Variants in NUDT13 observed in about 807,000 individuals in gnomAD.
NUDT13 encodes the protein nudix hydrolase 13.
Under a neutral mutation model 41.7 loss-of-function variants are expected in NUDT13, and 40 were observed. The observed-to-expected ratio is 0.96, with a 90% CI of 0.75 to 1.25. The LOEUF is 1.25. NUDT13 is among the 50% of genes most tolerant of loss of function. The pLI, the probability that NUDT13 is intolerant of heterozygous loss-of-function variation, is 0.00. For missense variants in NUDT13, 390 were observed against 416.1 expected (o/e 0.94, Z 0.55); for synonymous variants, 145 against 155.5 (o/e 0.93, Z 0.50).
In NUDT13 at chr10:73,125,227, T is replaced by C. The variant is rs760148900; in HGVS notation, c.575T>C (p.Ile192Thr). ...AAGCGTGTGTGCCCTTCCAATAATATAATCTATTATCCACAGGTAATTATT... is the reference window on the plus strand; with the variant it reads ...AAGCGTGTGTGCCCTTCCAATAATACAATCTATTATCCACAGGTAATTATT... ...GSKRVCPSNN[I>T]IYYPQMAPVA... Residue 192 changes from isoleucine (I) to threonine (T), a missense_variant, in exon 6 of 9, where the codon ATA (isoleucine) becomes ACA (threonine). Coordinates refer to ENST00000357321, the MANE Select transcript of NUDT13 (RefSeq NM_015901.6). The C allele has an allele frequency of 3.1e-6, 5 of 1,611,850 alleles. No individual in the cohort carries two copies. The highest frequency in any genetic ancestry group is 1.1e-5 in the South Asian group (1 of 90,982).
intron 7 of NUDT13, 144 bp from the exon 8 acceptor site, chr10:73,126,529 T>G: frequency 1.2e-6 from 1 of 831,946 alleles, no homozygotes; most frequent in Non-Finnish European, 1.8e-6. Context: ...ATTCTTATTG[T>G]TGGAATGACT....
chr10:73,123,411 G>C (rs1409438299), intron 4 of NUDT13, among the ~76,000 whole-genome samples: 2 of 152,102 alleles, frequency 1.3e-5, no homozygotes, highest in African/African-American at 4.8e-5. Context: ...GTGATGCTGG[G>C]ATGAGGTTCA....
chr10:73,122,219 A>G lies in NUDT13; in HGVS notation c.268A>G (p.Ile90Val), dbSNP rs1416330378. The G allele has an allele frequency of 8.7e-6, 14 of 1,614,004 alleles. No homozygotes were observed. Among genetic ancestry groups the G allele is most frequent in the Admixed American group, 1.7e-5 (1 of 59,982 alleles). ...TAAATTTGGACAGGATGCACAAAGAATAGAAGATTCTGTGCTGATTGGATG... is the reference window on the plus strand; with the variant it reads ...TAAATTTGGACAGGATGCACAAAGAGTAGAAGATTCTGTGCTGATTGGATG... ...LGKFGQDAQR[I>V]EDSVLIGCSE... is the part of the protein sequence containing the mutation. Residue 90 changes from isoleucine to valine, a missense_variant, in exon 4 of 9, where the codon ATA becomes GTA. Physicochemically the swap from Ile to Val is conservative, Grantham distance 29. Transcript: ENST00000357321.
Position 73,125,120 on chromosome 10 carries a change from TCAAG to T in NUDT13, c.470_473del (p.Gln157LeufsTer35). 1 of 1,608,056 alleles carries T rather than the reference TCAAG, an allele frequency of 6.2e-7. No homozygotes were observed. Among genetic ancestry groups the T allele is most frequent in the Non-Finnish European group, 8.5e-7 (1 of 1,178,262 alleles). On this transcript the variant is annotated frameshift_variant, in exon 6 of 9. Transcript: ENST00000357321. LOFTEE classifies it high-confidence loss of function. ...CAGGCCCATCATTGTGTTCCTAGGC[TCAAG>T]CTCTTCTCCGCTGGCATGATGCTCA...
At position 73,114,402 on chromosome 10, in the gene NUDT13, T is replaced by G. The variant is rs1467584627; in HGVS notation, c.37T>G (p.Phe13Val). The G allele has an allele frequency of 6.3e-7, 1 of 1,587,336 alleles. No individual in the cohort carries two copies. The highest frequency in any genetic ancestry group is 1.3e-5 in the African/African-American group (1 of 74,232). The change falls in exon 2 of 9, where the codon TTT becomes GTT. Residue 13 changes from phenylalanine to valine, a missense_variant. Transcript: ENST00000357321. ...TTGTGGAATAGCTTGCAGGAGAAAA[T>G]TTTTTTGGTGCTATAGGCTGCTGTC... ...LYCGIACRRK[F>V]FWCYRLLSTY... is the part of the protein sequence containing the mutation.
chr10:73,130,841 A>C lies in NUDT13; in HGVS notation c.997A>C (p.Ile333Leu), dbSNP rs955590615. 1 of 1,613,924 alleles carries C rather than the reference A, an allele frequency of 6.2e-7. No homozygotes were observed. The highest frequency in any genetic ancestry group is 1.7e-5 in the Admixed American group (1 of 60,004). ...ATTCTGGCTGCCCCCTAAGTTAGCC[A>C]TCTCCCACCAACTGATTAAGGAGTG... ...FPFWLPPKLA[I>L]SHQLIKEWVE... The change falls in exon 9 of 9, where the codon ATC becomes CTC. Residue 333 changes from isoleucine (I) to leucine (L), a missense_variant. Ile to Leu is a conservative substitution (Grantham distance 5). Coordinates refer to ENST00000357321, the MANE Select transcript of NUDT13 (RefSeq NM_015901.6).
chr10:73,124,391 ACAAGGCTAGAG>A, intron 5 of NUDT13, 71 bp downstream of exon 5: 2 of 1,007,980 alleles, frequency 2.0e-6, no homozygotes, highest in Non-Finnish European at 3.1e-6. Context: ...ATGTGTACAC[ACAAGGCTAGAG>A]TGACGTTTGA....
chr10:73,120,860 C>G (rs1842629844), intron 3 of NUDT13, among the ~76,000 whole-genome samples: 1 of 151,708 alleles, frequency 6.6e-6, no homozygotes, highest in Non-Finnish European at 1.5e-5. Context: ...ATGGCGTCAA[C>G]CCGGGAGGCG....
intron 8 of NUDT13, among the ~76,000 whole-genome samples, chr10:73,129,167 C>CTTTTTTTT (rs900393888): frequency 1.8e-5 from 2 of 110,192 alleles, no homozygotes; most frequent in African/African-American, 7.2e-5. Flanking sequence ...AAGACGTTGT[C>CTTTTTTTT]TTTTTTTTTT....
Position 73,120,170 on chromosome 10 carries a change from T to G in NUDT13, c.223+13T>G. On this transcript the variant is annotated intron_variant, in intron 3 of 8. Transcript: ENST00000357321. The stretch of plus-strand genomic sequence containing the variant: ...CACAGCCTGTTAGGTAAGTCCAGAG[T>G]GGACCAGTGGCGTTGACCAGCCTGT... The G allele has an allele frequency of 6.2e-7, 1 of 1,611,832 alleles. No individual in the cohort carries two copies. The highest frequency in any genetic ancestry group is 8.5e-7 in the Non-Finnish European group (1 of 1,178,724).
At chr10:73,130,505 C>CAT (rs1391536583) in intron 8 of NUDT13, 198 bp from the exon 9 acceptor site, 5 of 425,232 alleles carry the variant, frequency 1.2e-5, no homozygotes, top group Admixed American at 6.9e-5. Flanking sequence ...CACACACACA[C>CAT]ATATAAAACT....
intron 8 of NUDT13, among the ~76,000 whole-genome samples, chr10:73,127,206 T>G (rs1379193092): frequency 6.6e-6 from 1 of 151,954 alleles, no homozygotes; most frequent in Non-Finnish European, 1.5e-5. Flanking sequence ...TAGTGAAACC[T>G]CATTTCAACT....
At position 73,119,996 on chromosome 10, in the gene NUDT13, TTTGA is replaced by T. The variant is rs779056466; in HGVS notation, c.84-19_84-16del. On this transcript the variant is annotated intron_variant, in intron 2 of 8. Coordinates refer to ENST00000357321, the MANE Select transcript of NUDT13 (RefSeq NM_015901.6). ...GTAACTAAGGGTGGTTTTGTAATGG[TTTGA>T]TTATTTCCCAAATACAGGTATTTAT... The T allele has an allele frequency of 3.1e-6, 5 of 1,613,486 alleles. No individual in the cohort carries two copies. The East Asian group carries it at 6.7e-5, about 22-fold the overall frequency.
chr10:73,118,204 T>C (rs1459275066), intron 2 of NUDT13, among the ~76,000 whole-genome samples: 1 of 152,226 alleles, frequency 6.6e-6, no homozygotes, highest in Non-Finnish European at 1.5e-5. Context: ...CAGTGACTCA[T>C]AAGTTTAAAA....
rs758320140 is a variant in NUDT13 at position 73,125,535 on chromosome 10, T to C, written c.703+26T>C. 2.8e-6 allele frequency: 4 copies of C among 1,416,338 alleles called. No individual in the cohort carries two copies. The South Asian group carries it at 3.7e-5, about 13-fold the overall frequency. The allele number at this position is 1,416,338 out of a possible 1,614,324, so 87.7% of individuals were successfully genotyped here. The stretch of plus-strand genomic sequence containing the variant: ...GTGAGGAGTTTAGGGGATATACAGG[T>C]GACACTGGAAGATATACAATCTTAC... On this transcript the variant is annotated intron_variant, in intron 7 of 8. Coordinates refer to ENST00000357321, the MANE Select transcript of NUDT13 (RefSeq NM_015901.6).
chr10:73,130,764 C>T lies in NUDT13; in HGVS notation c.920C>T (p.Thr307Ile). 1.2e-6 allele frequency: 2 copies of T among 1,613,922 alleles called. No homozygotes were observed. The highest frequency in any genetic ancestry group is 2.2e-5 in the South Asian group (2 of 91,074). ...TGGTTCAGTCATGATGAGGTAGCCA[C>T]AGCCCTGAAGAGAAAGGGCCCCTAT... ...AAWFSHDEVA[T>I]ALKRKGPYTQ... Residue 307 changes from threonine to isoleucine, a missense_variant, in exon 9 of 9, where the codon ACA becomes ATA. Transcript: ENST00000357321.
intron 3 of NUDT13, among the ~76,000 whole-genome samples, chr10:73,120,656 T>C (rs566775702): frequency 2.6e-5 from 4 of 152,250 alleles, no homozygotes; most frequent in South Asian, 4.1e-4. Context: ...AGTTCCATCA[T>C]GGCCAGGCGC....
intron 3 of NUDT13, 141 bp from the exon 4 acceptor site, chr10:73,122,034 T>C (rs765641211): frequency 5.7e-6 from 5 of 871,140 alleles, no homozygotes; most frequent in Non-Finnish European, 8.8e-6. Context: ...CAAGGTTACA[T>C]AGCTAATTAG....
intron 8 of NUDT13, among the ~76,000 whole-genome samples, chr10:73,129,526 T>C (rs992961515): frequency 1.3e-5 from 2 of 152,150 alleles, no homozygotes; most frequent in Non-Finnish European, 2.9e-5. Context: ...CACTGACTGA[T>C]GGTCTCTGCC....
Sources: gnomAD v4.1 joint callset for allele counts (sites outside exome capture counted in the v4.1 genomes callset) on GRCh38, gnomAD v4.1.1 for gene constraint, MANE v1.5 for transcripts, NCBI Gene and HGNC (gene_info 2026-07-23, HGNC 2026-07-21) for gene names.